Variants in NALCN observed in about 807,000 individuals in gnomAD.
NALCN encodes the protein sodium leak channel, non-selective.
In NALCN, 111 loss-of-function variants were observed where a neutral mutation model predicts 225.3. That is an observed-to-expected ratio of 0.49 (90% CI 0.42 to 0.58). The LOEUF (loss-of-function observed/expected upper bound fraction) is 0.58. NALCN is among the 20% of genes least tolerant of loss of function. The probability of loss-of-function intolerance (pLI) is 0.00; values close to 1 mark genes in which losing one functional copy is unlikely to be tolerated. For synonymous variants in NALCN, 764 were observed against 769.0 expected (o/e 0.99, Z 0.11); for missense variants, 1,378 against 2,202.4 (o/e 0.63, Z 7.49).
At chr13:101,287,978 T>C (rs932090029) in intron 9 of NALCN, among the ~76,000 whole-genome samples, 1 of 152,242 alleles carries the variant, frequency 6.6e-6, no homozygotes, top group Non-Finnish European at 1.5e-5. Context: ...TACACAGTAA[T>C]GCAGAGAAAA....
intron 18 of NALCN, among the ~76,000 whole-genome samples, chr13:101,115,658 T>C (rs1036403411): frequency 1.2e-4 from 19 of 152,298 alleles, no homozygotes; most frequent in African/African-American, 4.3e-4. Flanking sequence ...TGGTCTCATG[T>C]AAGGACAAAG....
At chr13:101,071,653 C>G (rs747654956) in intron 37 of NALCN, among the ~76,000 whole-genome samples, 1 of 152,130 alleles carries the variant, frequency 6.6e-6, no homozygotes, top group African/African-American at 2.4e-5. Context: ...CTACTGAGAC[C>G]GGTAAAATTT....
At chr13:101,270,024 AT>A (rs1019806400) in intron 10 of NALCN, among the ~76,000 whole-genome samples, 1 of 151,888 alleles carries the variant, frequency 6.6e-6, no homozygotes, top group African/African-American at 2.4e-5. Context: ...TCCAACCATT[AT>A]TTTTTTTAGC....
chr13:101,294,181 G>A (rs954511820), intron 7 of NALCN, among the ~76,000 whole-genome samples: 7 of 152,126 alleles, frequency 4.6e-5, no homozygotes, highest in Admixed American at 1.3e-4. Flanking sequence ...TCTCTTGATT[G>A]AGACTGGGGC....
intron 18 of NALCN, chr13:101,116,655 G>T: frequency 2.3e-6 from 1 of 432,834 alleles, no homozygotes; most frequent in Non-Finnish European, 4.5e-6. Context: ...AGAAAAGTTA[G>T]ATTACACAAT....
At chr13:101,238,449 A>G (rs546071998) in intron 11 of NALCN, among the ~76,000 whole-genome samples, 37 of 151,980 alleles carry the variant, frequency 2.4e-4, no homozygotes, top group Non-Finnish European at 3.4e-4. Flanking sequence ...TTATGCAAAT[A>G]AATCAATATG....
chr13:101,167,291 T>G (rs2038485250), intron 15 of NALCN, among the ~76,000 whole-genome samples: 5 of 152,232 alleles, frequency 3.3e-5, no homozygotes. Flanking sequence ...AATCTGTAGA[T>G]TGCTTTGGAT....
chr13:101,254,935 C>G (rs2042182082), intron 11 of NALCN, among the ~76,000 whole-genome samples: 1 of 149,838 alleles, frequency 6.7e-6, no homozygotes. Context: ...ATGTTAAAAG[C>G]TGCATTCATG....
At chr13:101,177,409 GTATATATATA>G in intron 14 of NALCN, among the ~76,000 whole-genome samples, 1 of 124,374 alleles carries the variant, frequency 8.0e-6, no homozygotes, top group Non-Finnish European at 1.8e-5. Flanking sequence ...GTAAATACGA[GTATATATATA>G]TATATATATA....
chr13:101,413,800 T>C (rs950341762), intron 1 of NALCN, among the ~76,000 whole-genome samples: 1 of 152,218 alleles, frequency 6.6e-6, no homozygotes, highest in Non-Finnish European at 1.5e-5. Context: ...TATGAAAATC[T>C]GTGCTGGTCC....
intron 1 of NALCN, among the ~76,000 whole-genome samples, chr13:101,402,801 T>C (rs1347020478): frequency 6.6e-6 from 1 of 152,214 alleles, no homozygotes; most frequent in East Asian, 1.9e-4. Context: ...GAGAGCGACA[T>C]GAGCCAGGCA....
At chr13:101,375,223 C>T (rs1393272542) in intron 6 of NALCN, among the ~76,000 whole-genome samples, 1 of 152,128 alleles carries the variant, frequency 6.6e-6, no homozygotes, top group Non-Finnish European at 1.5e-5. Context: ...AGCTGGCATA[C>T]AGTGAATGCC....
intron 12 of NALCN, among the ~76,000 whole-genome samples, 182 bp from the exon 13 acceptor site, chr13:101,229,766 A>G (rs141509439): frequency 6.6e-6 from 1 of 152,310 alleles, no homozygotes; most frequent in African/African-American, 2.4e-5. Context: ...ATAAATCCCA[A>G]ATGAATGGAT....
chr13:101,371,813 G>A (rs920464266), intron 6 of NALCN, among the ~76,000 whole-genome samples: 3 of 152,158 alleles, frequency 2.0e-5, no homozygotes, highest in East Asian at 3.9e-4. Flanking sequence ...CTTCATTTAC[G>A]CTCTTAGTAC....
intron 10 of NALCN, among the ~76,000 whole-genome samples, chr13:101,265,714 T>C (rs1322653580): frequency 6.6e-6 from 1 of 152,174 alleles, no homozygotes; most frequent in East Asian, 1.9e-4. Context: ...TGCATCCCCT[T>C]TTACATATGG....
intron 17 of NALCN, among the ~76,000 whole-genome samples, chr13:101,127,798 T>C (rs190655273): frequency 6.6e-6 from 1 of 152,384 alleles, no homozygotes; most frequent in East Asian, 1.9e-4. Flanking sequence ...TTTTTTCTAC[T>C]AAATAAAGAA....
chr13:101,061,568 A>G (rs1256220068), intron 41 of NALCN, among the ~76,000 whole-genome samples: 2 of 151,890 alleles, frequency 1.3e-5, no homozygotes, highest in Non-Finnish European at 2.9e-5. Context: ...TTTAGTAGAG[A>G]TGGGGTTTTG....
intron 6 of NALCN, among the ~76,000 whole-genome samples, chr13:101,375,626 T>C (rs2046667654): frequency 2.6e-5 from 4 of 152,228 alleles, no homozygotes; most frequent in Admixed American, 2.0e-4. Flanking sequence ...GTAATCTCTT[T>C]TTGAATTTTA....
intron 17 of NALCN, among the ~76,000 whole-genome samples, chr13:101,130,907 G>A (rs908203630): frequency 2.6e-5 from 4 of 152,024 alleles, no homozygotes; most frequent in East Asian, 1.9e-4. Context: ...TTTAGTATAC[G>A]TTTTATTCTC....
Sources: allele counts gnomAD v4.1 joint callset (sites outside exome capture counted in the v4.1 genomes callset), GRCh38; gene constraint gnomAD v4.1.1; transcripts MANE v1.5; gene names NCBI Gene and HGNC (gene_info 2026-07-23, HGNC 2026-07-21).